The following CNTLN variants were observed in gnomAD, a reference collection of about 807,000 sequenced individuals.
CNTLN encodes centlein, centrosomal protein.
Under a neutral mutation model 180.0 loss-of-function variants are expected in CNTLN, and 212 were observed. That is an observed-to-expected ratio of 1.18 (90% confidence interval 1.05 to 1.32). CNTLN has a LOEUF of 1.32. CNTLN is among the 40% of genes most tolerant of loss of function. CNTLN has a pLI of 0.00. For synonymous variants in CNTLN, 722 were observed against 563.1 expected, an observed-to-expected ratio of 1.28 and a Z score of -3.99; for missense variants, 2,095 against 1,610.9, an observed-to-expected ratio of 1.30 and a Z score of -5.14.
Position 17,466,841 on chromosome 9 carries a change from A to G in CNTLN, c.3805A>G (p.Thr1269Ala), listed in dbSNP as rs1311867239. Reference sequence around the variant, plus strand: ...ACAGGTCCTAGAAGGTGCACAGAAGACATTGCTGTTAGCCAATGAAAAAGT... The same window carrying G: ...ACAGGTCCTAGAAGGTGCACAGAAGGCATTGCTGTTAGCCAATGAAAAAGT... ...SEQVLEGAQK[T>A]LLLANEKVEE... The change falls in exon 23 of 26, where the codon ACA becomes GCA. Residue 1269 changes from threonine (T) to alanine (A), a missense_variant. Transcript: ENST00000380647. 2.5e-6 allele frequency: 4 copies of G among 1,610,396 alleles called. No homozygotes were observed. Among genetic ancestry groups the G allele is most frequent in the Non-Finnish European group, 3.4e-6 (4 of 1,177,578 alleles).
chr9:17,149,162 T>G (rs182638523), intron 2 of CNTLN, among the ~76,000 whole-genome samples: 1,599 of 152,290 alleles, frequency 0.01, 32 homozygotes, highest in African/African-American at 0.037. Context: ...CTTTTTTATG[T>G]CTGCATAGTA....
chr9:17,419,059 G>T (rs1200322233), intron 18 of CNTLN, among the ~76,000 whole-genome samples: 1 of 152,058 alleles, frequency 6.6e-6, no homozygotes, highest in Non-Finnish European at 1.5e-5. Context: ...TTTTAACCAA[G>T]ATAATAGATT....
chr9:17,254,674 A>C (rs1164996240), intron 5 of CNTLN, among the ~76,000 whole-genome samples: 1 of 151,616 alleles, frequency 6.6e-6, no homozygotes, highest in Admixed American at 6.6e-5. Context: ...TCAGTACAAT[A>C]CTGTTTTCAT....
chr9:17,258,565 G>T (rs1045480897), intron 5 of CNTLN, among the ~76,000 whole-genome samples: 11 of 150,760 alleles, frequency 7.3e-5, no homozygotes, highest in Non-Finnish European at 1.5e-4. Flanking sequence ...AAATTACCTT[G>T]GGCAGTATGG....
At chr9:17,185,743 C>A (rs1160190342) in intron 2 of CNTLN, among the ~76,000 whole-genome samples, 1 of 147,618 alleles carries the variant, frequency 6.8e-6, no homozygotes, top group Non-Finnish European at 1.5e-5. Context: ...GCTTTTCTCT[C>A]CTCTTTGCTT....
chr9:17,258,735 A>G (rs11562194), intron 5 of CNTLN, among the ~76,000 whole-genome samples: 55,897 of 135,982 alleles, frequency 0.41, 12,407 homozygotes, highest in South Asian at 0.59. Flanking sequence ...TCTTTGAAGC[A>G]GTTGTGAATG....
In CNTLN at chr9:17,388,170, T is replaced by C; in HGVS notation, c.1996T>C (p.Phe666Leu). ...CVAERREEQL[F>L]RSGEDDEVKR... ...TATTTATTCTCTACCAGAACAGCTC[T>C]TTAGATCTGGTGAAGATGATGAGGT... The change falls in exon 14 of 26, where the codon TTT (phenylalanine) becomes CTT (leucine). Residue 666 changes from phenylalanine (F) to leucine (L), a missense_variant. Transcript: ENST00000380647. The C allele has an allele frequency of 6.2e-7, 1 of 1,606,864 alleles. No individual in the cohort carries two copies. Among genetic ancestry groups the C allele is most frequent in the Non-Finnish European group, 8.5e-7 (1 of 1,174,194 alleles).
intron 18 of CNTLN, among the ~76,000 whole-genome samples, chr9:17,430,011 C>A (rs192550556): frequency 6.6e-6 from 1 of 151,928 alleles, no homozygotes; most frequent in South Asian, 2.1e-4. Flanking sequence ...TAGCTAAACA[C>A]TTTGAACACA....
chr9:17,472,001 G>C (rs1037052786), intron 23 of CNTLN, among the ~76,000 whole-genome samples: 23 of 152,072 alleles, frequency 1.5e-4, no homozygotes, highest in African/African-American at 5.1e-4. Flanking sequence ...GCACAGTGAA[G>C]GCTCTACTAT....
chr9:17,432,588 T>G (rs1337855408), intron 18 of CNTLN, among the ~76,000 whole-genome samples: 1 of 152,174 alleles, frequency 6.6e-6, no homozygotes, highest in Non-Finnish European at 1.5e-5. Flanking sequence ...TGAAAATTTT[T>G]TTTTCAAGAG....
At chr9:17,443,393 T>G (rs562084941) in intron 18 of CNTLN, among the ~76,000 whole-genome samples, 1 of 152,308 alleles carries the variant, frequency 6.6e-6, no homozygotes, top group South Asian at 2.1e-4. Flanking sequence ...AAATATTGTT[T>G]AAATAATAGC....
chr9:17,410,756 AT>A (rs1827783506), intron 16 of CNTLN, among the ~76,000 whole-genome samples: 1 of 151,958 alleles, frequency 6.6e-6, no homozygotes. Flanking sequence ...AAGTTTACCA[AT>A]TTTTCCCCAA....
intron 18 of CNTLN, among the ~76,000 whole-genome samples, chr9:17,433,841 A>T (rs913590100): frequency 3.9e-5 from 6 of 152,166 alleles, no homozygotes; most frequent in African/African-American, 1.4e-4. Context: ...TTGGCCTCCC[A>T]AAGTTCCGGG....
At chr9:17,144,297 G>A (rs1450987327) in intron 2 of CNTLN, among the ~76,000 whole-genome samples, 2 of 152,064 alleles carry the variant, frequency 1.3e-5, no homozygotes, top group African/African-American at 2.4e-5. Context: ...TTGCTTGTAC[G>A]TCTAATTCAT....
At chr9:17,432,537 T>A (rs1829477313) in intron 18 of CNTLN, among the ~76,000 whole-genome samples, 1 of 152,134 alleles carries the variant, frequency 6.6e-6, no homozygotes, top group South Asian at 2.1e-4. Flanking sequence ...AAAGAAGGTC[T>A]GTCATTAATT....
At chr9:17,393,186 T>G (rs1168491062) in intron 14 of CNTLN, among the ~76,000 whole-genome samples, 1 of 152,056 alleles carries the variant, frequency 6.6e-6, no homozygotes, top group Non-Finnish European at 1.5e-5. Flanking sequence ...ATAATAGCAC[T>G]AATCCCATTC....
chr9:17,335,990 G>T (rs1235245180), intron 10 of CNTLN, among the ~76,000 whole-genome samples: 1 of 151,438 alleles, frequency 6.6e-6, no homozygotes, highest in African/African-American at 2.4e-5. Flanking sequence ...AAATCCAAAG[G>T]AAGTACTTAG....
chr9:17,159,585 G>A (rs149083845), intron 2 of CNTLN, among the ~76,000 whole-genome samples: 4 of 152,286 alleles, frequency 2.6e-5, no homozygotes, highest in East Asian at 3.9e-4. Context: ...TTGCACTTGC[G>A]TTGGACTTAG....
rs1825922495 is a variant in CNTLN, at chr9:17,389,352, T to C, written c.2079+1099T>C. The stretch of plus-strand genomic sequence containing the variant: ...AGTTCACACTAGCTTATCACCGTTT[T>C]TTCAGAACAATATTTTTATTTGCCA... On this transcript the variant is annotated intron_variant, in intron 14 of 25. Coordinates refer to ENST00000380647, the MANE Select transcript of CNTLN (RefSeq NM_017738.4). Among the ~76,000 whole-genome samples the C allele has an allele frequency of 2.0e-5, 3 of 152,280 alleles. 1 individual carries two copies. Among genetic ancestry groups the C allele is most frequent in the South Asian group, 4.1e-4 (2 of 4,824 alleles).
Sources: allele counts gnomAD v4.1 joint callset (sites outside exome capture counted in the v4.1 genomes callset), GRCh38; gene constraint gnomAD v4.1.1; transcripts MANE v1.5; gene names NCBI Gene and HGNC (gene_info 2026-07-23, HGNC 2026-07-21).